SEPTIN9: variants seen among roughly 807,000 people sequenced by gnomAD.
SEPTIN9 encodes the protein septin-9.
Under a neutral mutation model 56.6 loss-of-function variants are expected in SEPTIN9, and 13 were observed. The observed-to-expected ratio is 0.23, with a 90% CI of 0.15 to 0.37. SEPTIN9 has a LOEUF of 0.37. SEPTIN9 is among the 10% of genes least tolerant of loss of function. The pLI is 1.00. For synonymous variants in SEPTIN9, 332 were observed against 334.1 expected, an observed-to-expected ratio of 0.99 and a Z score of 0.07; for missense variants, 650 against 823.1, an observed-to-expected ratio of 0.79 and a Z score of 2.57.
At chr17:77,493,919 C>T (rs528927851) in intron 10 of SEPTIN9, among the ~76,000 whole-genome samples, 8 of 152,240 alleles carry the variant, frequency 5.3e-5, no homozygotes, top group South Asian at 2.1e-4. Context: ...ATTACAGTCA[C>T]GTACCACCCA....
chr17:77,490,281 C>T (rs956118837), intron 7 of SEPTIN9, among the ~76,000 whole-genome samples: 7 of 152,238 alleles, frequency 4.6e-5, no homozygotes, highest in African/African-American at 1.7e-4. Flanking sequence ...ACCCCAGGCT[C>T]ACTGGGGCCA....
chr17:77,488,913 C>T (rs964589140), intron 7 of SEPTIN9, 49 bp downstream of exon 7: 22 of 1,606,188 alleles, frequency 1.4e-5, no homozygotes, highest in Admixed American at 1.7e-5. Context: ...CCTGGGTTCC[C>T]TCTGTCCCCT....
intron 2 of SEPTIN9, among the ~76,000 whole-genome samples, chr17:77,390,700 C>T (rs1208420132): frequency 6.6e-6 from 1 of 152,154 alleles, no homozygotes; most frequent in Non-Finnish European, 1.5e-5. Flanking sequence ...ATCTGCCCGC[C>T]TCTGCCTCCC....
intron 3 of SEPTIN9, among the ~76,000 whole-genome samples, chr17:77,415,604 G>A (rs1363485889): frequency 6.7e-6 from 1 of 150,174 alleles, no homozygotes; most frequent in Non-Finnish European, 1.5e-5. Context: ...CTCCAGCCTG[G>A]GTGACAGAGT....
chr17:77,498,052 T>C (rs1332299516), intron 11 of SEPTIN9, among the ~76,000 whole-genome samples: 1 of 152,002 alleles, frequency 6.6e-6, no homozygotes, highest in East Asian at 1.9e-4. Flanking sequence ...CCCAGGACTT[T>C]TTTTTCCTGG....
In SEPTIN9 at chr17:77,499,252, C is replaced by A. The variant is rs781522351; in HGVS notation, c.*594C>A. 1.7e-6 allele frequency: 1 copy of A among 596,176 alleles called. No individual in the cohort carries two copies. Among genetic ancestry groups the A allele is most frequent in the Admixed American group, 1.9e-5 (1 of 53,718 alleles). The allele number at this position is 596,176 out of a possible 1,614,324, so 36.9% of individuals were successfully genotyped here. The stretch of plus-strand genomic sequence containing the variant: ...CCACCGACTGCCCAGCCACTCCAAG[C>A]CCCCTGGCAGCTGCCCCTCCTGGAG... On this transcript the variant is annotated 3_prime_UTR_variant, in exon 12 of 12. Transcript: ENST00000427177.
chr17:77,383,591 G>A (rs576327128), intron 2 of SEPTIN9, among the ~76,000 whole-genome samples: 1 of 152,346 alleles, frequency 6.6e-6, no homozygotes, highest in South Asian at 2.1e-4. Flanking sequence ...TCTGACGGGG[G>A]CTGCCTCTGC....
At chr17:77,293,976 C>G (rs2031685258) in intron 1 of SEPTIN9, among the ~76,000 whole-genome samples, 1 of 151,942 alleles carries the variant, frequency 6.6e-6, no homozygotes, top group Admixed American at 6.6e-5. Flanking sequence ...TGGTGGCATA[C>G]ACCTGTAGTC....
Position 77,488,074 on chromosome 17 carries a change from C to T in SEPTIN9, c.1043-166C>T, listed in dbSNP as rs441670. On this transcript the variant is annotated intron_variant, in intron 5 of 11. Transcript: ENST00000427177. Reference sequence around the variant, plus strand: ...ACAGGCAAGGGGCTCCCAGGGGAACCGTCACCGGCCTGTGCCGGAGTTGGC... The same window carrying T: ...ACAGGCAAGGGGCTCCCAGGGGAACTGTCACCGGCCTGTGCCGGAGTTGGC... Among the ~76,000 whole-genome samples, 83,102 of 152,062 alleles carry T rather than the reference C, an allele frequency of 0.55. 23,853 individuals are homozygous for T. The highest frequency in any genetic ancestry group is 0.74 in the African/African-American group (30,503 of 41,490).
At chr17:77,493,105 A>G in intron 10 of SEPTIN9, 29 bp downstream of exon 10, 2 of 1,497,820 alleles carry the variant, frequency 1.3e-6, no homozygotes, top group South Asian at 2.4e-5. Flanking sequence ...GGGGCTCCAG[A>G]CAGATGGGAA....
chr17:77,383,712 C>T (rs1029015676), intron 2 of SEPTIN9, among the ~76,000 whole-genome samples: 4 of 152,264 alleles, frequency 2.6e-5, no homozygotes, highest in East Asian at 3.9e-4. Context: ...AGAGGGTGCA[C>T]GGAGGGGCTG....
intron 2 of SEPTIN9, among the ~76,000 whole-genome samples, chr17:77,368,371 G>A (rs1012671648): frequency 5.3e-5 from 8 of 151,824 alleles, no homozygotes; most frequent in Non-Finnish European, 8.8e-5. Flanking sequence ...GAGTGCACTG[G>A]CGTGATCTTG....
intron 3 of SEPTIN9, among the ~76,000 whole-genome samples, chr17:77,462,692 A>G (rs897016776): frequency 3.3e-5 from 5 of 152,034 alleles, no homozygotes; most frequent in African/African-American, 1.2e-4. Context: ...CCCAGGCTGG[A>G]GTGCAGTGGC....
chr17:77,413,112 G>A lies in SEPTIN9; in HGVS notation c.721+10409G>A, dbSNP rs978048276. On this transcript the variant is annotated intron_variant, in intron 3 of 11. Coordinates refer to ENST00000427177, the MANE Select transcript of SEPTIN9 (RefSeq NM_001113491.2). ...CGTGTGTGTGTGTGTGTGTGTGTGT[G>A]TGTGTGTGTGCTATTTTTATCAGTT... Among the ~76,000 whole-genome samples, 437 of 151,830 alleles carry A rather than the reference G, an allele frequency of 2.9e-3. 3 individuals are homozygous for A. Among genetic ancestry groups the A allele is most frequent in the African/African-American group, 9.0e-3 (372 of 41,434 alleles).
Position 77,433,144 on chromosome 17 carries a change from A to T in SEPTIN9, c.721+30441A>T, listed in dbSNP as rs895410113. The stretch of plus-strand genomic sequence containing the variant: ...AAGAGAATTTGGAGCTTTTTTGTGC[A>T]AAATGAGATGTTCTGAGCATCGAGG... On this transcript the variant is annotated intron_variant, in intron 3 of 11. Transcript: ENST00000427177. This position sits in a 1 kb window ranked among gnomAD's most constrained non-coding sequence, Gnocchi z 6.4. Among the ~76,000 whole-genome samples, 5 of 152,214 alleles carry T rather than the reference A, an allele frequency of 3.3e-5. No homozygotes were observed. The highest frequency in any genetic ancestry group is 1.3e-4 in the Admixed American group (2 of 15,280).
At chr17:77,374,026 G>A (rs2143918899) in intron 2 of SEPTIN9, 1 of 154,786 alleles carries the variant, frequency 6.5e-6, no homozygotes, top group East Asian at 1.9e-4. Flanking sequence ...CTCCGACTGA[G>A]TGGACAGCCG....
intron 1 of SEPTIN9, among the ~76,000 whole-genome samples, chr17:77,289,331 A>G (rs1034733877): frequency 2.6e-5 from 4 of 150,958 alleles, no homozygotes; most frequent in Non-Finnish European, 5.9e-5. Flanking sequence ...TCCTGACCTC[A>G]GGTGATCCAC....
Position 77,451,910 on chromosome 17 carries a change from T to C in SEPTIN9, c.722-30234T>C, listed in dbSNP as rs2037989348. 6.6e-6 allele frequency among the ~76,000 whole-genome samples: 1 copy of C among 152,328 alleles called. No individual in the cohort carries two copies. Among genetic ancestry groups the C allele is most frequent in the Non-Finnish European group, 1.5e-5 (1 of 68,024 alleles). On this transcript the variant is annotated intron_variant, in intron 3 of 11. Coordinates refer to ENST00000427177, the MANE Select transcript of SEPTIN9 (RefSeq NM_001113491.2). This position sits in a 1 kb window ranked among gnomAD's most constrained non-coding sequence, Gnocchi z 4.2. ...CAGGAGGGCCAGGAAGAAATTCGAA[T>C]TGGCCACCGCTTTCTCTAAAATCAC...
In SEPTIN9 at chr17:77,475,818, C is replaced by G. The variant is rs2039190019; in HGVS notation, c.722-6326C>G. ...AGTGCCACCGGCTCCCCTGCCGTGGCCTGGTCAGTGGCTTCACAGGCCTCC... is the reference window on the plus strand; with the variant it reads ...AGTGCCACCGGCTCCCCTGCCGTGGGCTGGTCAGTGGCTTCACAGGCCTCC... On this transcript the variant is annotated intron_variant, in intron 3 of 11. Coordinates refer to ENST00000427177, the MANE Select transcript of SEPTIN9 (RefSeq NM_001113491.2). The surrounding 1 kb of genome is among the most constrained non-coding windows in gnomAD (Gnocchi z 4.6). The G allele has an allele frequency of 6.2e-7, 1 of 1,613,344 alleles. No homozygotes were observed. Among genetic ancestry groups the G allele is most frequent in the South Asian group, 1.1e-5 (1 of 91,086 alleles).
Sources: allele counts gnomAD v4.1 joint callset (sites outside exome capture counted in the v4.1 genomes callset), GRCh38; gene constraint gnomAD v4.1.1; non-coding constraint Gnocchi (gnomAD v3.1); transcripts MANE v1.5; gene names NCBI Gene and HGNC (gene_info 2026-07-23, HGNC 2026-07-21).